Variants in CDT1 observed in about 807,000 individuals in gnomAD.
CDT1 encodes chromatin licensing and DNA replication factor 1.
Under a neutral mutation model 49.3 loss-of-function variants are expected in CDT1, and 66 were observed. The observed-to-expected ratio is 1.34, with a 90% CI of 1.10 to 1.64. The LOEUF is 1.64. Among genes scored for constraint, CDT1 ranks in the 40% most tolerant of loss-of-function variants. The pLI is 0.00. For synonymous variants in CDT1, 424 were observed against 347.4 expected, an observed-to-expected ratio of 1.22 and a Z score of -2.45; for missense variants, 958 against 807.7, an observed-to-expected ratio of 1.19 and a Z score of -2.26.
At chr16:88,806,759 G>A in intron 7 of CDT1, 85 bp downstream of exon 7, 5 of 1,495,794 alleles carry the variant, frequency 3.3e-6, no homozygotes, top group South Asian at 1.2e-5. Context: ...AAGCCTTGGT[G>A]ATGAGCTTGA....
Position 88,807,218 on chromosome 16 carries a change from G to C in CDT1, c.1275+15G>C. ...TGCTGGAGCGGGTGAGTCGTCCCCAGTGATGGCGGGTGGGCGCCTGGTGAC... is the reference window on the plus strand; with the variant it reads ...TGCTGGAGCGGGTGAGTCGTCCCCACTGATGGCGGGTGGGCGCCTGGTGAC... On this transcript the variant is annotated intron_variant, in intron 8 of 9. Coordinates refer to ENST00000301019, the MANE Select transcript of CDT1 (RefSeq NM_030928.4). The C allele has an allele frequency of 6.2e-7, 1 of 1,611,780 alleles. No individual in the cohort carries two copies. Among genetic ancestry groups the C allele is most frequent in the Non-Finnish European group, 8.5e-7 (1 of 1,179,614 alleles).
Position 88,805,654 on chromosome 16 carries a change from G to A in CDT1, c.686+17G>A. Reference sequence around the variant, plus strand: ...GATGCGTAGGTGAGTGGCCGGGGGTGGGCTGTGGCTGTCCTGGAGTTGGGG... The same window carrying A: ...GATGCGTAGGTGAGTGGCCGGGGGTAGGCTGTGGCTGTCCTGGAGTTGGGG... On this transcript the variant is annotated intron_variant, in intron 4 of 9. Coordinates refer to ENST00000301019, the MANE Select transcript of CDT1 (RefSeq NM_030928.4). 1.9e-6 allele frequency: 3 copies of A among 1,612,598 alleles called. No homozygotes were observed. Among genetic ancestry groups the A allele is most frequent in the Non-Finnish European group, 1.7e-6 (2 of 1,179,960 alleles).
At position 88,803,802 on chromosome 16, in the gene CDT1, T is replaced by C. The variant is rs1258858426; in HGVS notation, c.-30T>C. 3.4e-6 allele frequency: 5 copies of C among 1,490,358 alleles called. No individual in the cohort carries two copies. Among genetic ancestry groups the C allele is most frequent in the Non-Finnish European group, 3.6e-6 (4 of 1,113,278 alleles). 92.3% of individuals were successfully genotyped at this position (1,490,358 alleles called of 1,614,324 possible). On this transcript the variant is annotated 5_prime_UTR_variant, in exon 1 of 10. Transcript: ENST00000301019. Reference sequence around the variant, plus strand: ...GCCCGCCTCTTCCTCCCTTCCTTCTTTCCTTGCTTTCGCCGCGCACTCCGC... The same window carrying C: ...GCCCGCCTCTTCCTCCCTTCCTTCTCTCCTTGCTTTCGCCGCGCACTCCGC...
In CDT1 at chr16:88,808,999, CAAAAAA is replaced by C. The variant is rs796277561; in HGVS notation, c.*727_*732del. On this transcript the variant is annotated 3_prime_UTR_variant, in exon 10 of 10. Coordinates refer to ENST00000301019, the MANE Select transcript of CDT1 (RefSeq NM_030928.4). ...TGGGTGACAGAGCGAGACTCCGTCT[CAAAAAA>C]AAAAATTTCAAGACTGGAGAGGTGA... The C allele has an allele frequency of 1.2e-5, 2 of 163,776 alleles. No homozygotes were observed. The highest frequency in any genetic ancestry group is 2.6e-5 in the Non-Finnish European group (2 of 75,538). 10.1% of individuals were successfully genotyped at this position (163,776 alleles called of 1,614,324 possible).
chr16:88,805,839 C>G lies in CDT1; in HGVS notation c.802C>G (p.Gln268Glu). 6.2e-7 allele frequency: 1 copy of G among 1,613,014 alleles called. No individual in the cohort carries two copies. The highest frequency in any genetic ancestry group is 1.1e-5 in the South Asian group (1 of 91,068). The stretch of plus-strand genomic sequence containing the variant: ...GGATGGCACCAGGAGGTCAGATTAC[C>G]AGCTCACCATCGAGCCACTGCTGGA... ...FKDGTRRSDY[Q>E]LTIEPLLEQE... Residue 268 changes from glutamine to glutamate, a missense_variant, in exon 5 of 10, where the codon CAG becomes GAG. Physicochemically the swap from Gln to Glu is conservative, Grantham distance 29. Coordinates refer to ENST00000301019, the MANE Select transcript of CDT1 (RefSeq NM_030928.4).
chr16:88,807,135 C>A lies in CDT1; in HGVS notation c.1207C>A (p.Pro403Thr), dbSNP rs199674701. Residue 403 changes from proline to threonine, a missense_variant, in exon 8 of 10, where the codon CCA becomes ACA. Pro to Thr is a conservative substitution (Grantham distance 38). Transcript: ENST00000301019. ...GSPRPALPAT[P>T]PATPPAASPS... Reference sequence around the variant, plus strand: ...TCCCAGGCCAGCACTGCCGGCTACCCCACCAGCCACCCCGCCTGCAGCCTC... The same window carrying A: ...TCCCAGGCCAGCACTGCCGGCTACCACACCAGCCACCCCGCCTGCAGCCTC... The A allele has an allele frequency of 6.2e-7, 1 of 1,612,400 alleles. No homozygotes were observed. The highest frequency in any genetic ancestry group is 1.3e-5 in the African/African-American group (1 of 74,898).
intron 6 of CDT1, 90 bp from the exon 7 acceptor site, chr16:88,806,396 C>A (rs1299219002): frequency 2.7e-6 from 4 of 1,472,952 alleles, no homozygotes; most frequent in Non-Finnish European, 3.7e-6. Flanking sequence ...CGAGGCGGCC[C>A]GGCTGGGACG....
intron 9 of CDT1, 100 bp downstream of exon 9, chr16:88,807,582 T>C (rs571364885): frequency 1.2e-5 from 15 of 1,200,970 alleles, no homozygotes; most frequent in African/African-American, 1.1e-4. Flanking sequence ...CACTGATCTG[T>C]TCTGTTCAGA....
rs8191507 is a variant in CDT1 at position 88,809,092 on chromosome 16, GC to G, written c.*816del. ...GGCCTTCATGACAGGGCCAGAGCCA[GC>G]CAGCTTTGAAGACGCGGCCCTGCCC... On this transcript the variant is annotated 3_prime_UTR_variant, in exon 10 of 10. Coordinates refer to ENST00000301019, the MANE Select transcript of CDT1 (RefSeq NM_030928.4). 562 of 242,756 alleles carry G rather than the reference GC, an allele frequency of 2.3e-3. 3 individuals carry two copies. Among genetic ancestry groups the G allele is most frequent in the African/African-American group, 0.011 (501 of 44,096 alleles). 15.0% of individuals were successfully genotyped at this position (242,756 alleles called of 1,614,324 possible).
Position 88,804,014 on chromosome 16 carries a change from G to C in CDT1, c.183G>C (p.Gln61His). ...ARPPAAPGRD[Q>H]ARPPARRRLR... is the part of the protein sequence containing the mutation. ...CGCCCGCCGCCCCCGGACGCGACCA[G>C]GCCAGGCCACCGGCCCGCAGGAGAC... is the stretch of plus-strand genomic sequence containing the variant. Residue 61 changes from glutamine to histidine, a missense_variant, in exon 1 of 10, where the codon CAG becomes CAC. By Grantham distance (24) the Gln-to-His change is conservative. Coordinates refer to ENST00000301019, the MANE Select transcript of CDT1 (RefSeq NM_030928.4). 1 of 1,464,140 alleles carries C rather than the reference G, an allele frequency of 6.8e-7. No individual in the cohort carries two copies. Among genetic ancestry groups the C allele is most frequent in the Non-Finnish European group, 9.0e-7 (1 of 1,114,744 alleles). 90.7% of individuals were successfully genotyped at this position (1,464,140 alleles called of 1,614,324 possible).
At position 88,807,435 on chromosome 16, in the gene CDT1, T is replaced by C; in HGVS notation, c.1430T>C (p.Val477Ala). 1.2e-6 allele frequency: 2 copies of C among 1,613,082 alleles called. No homozygotes were observed. The highest frequency in any genetic ancestry group is 1.7e-6 in the Non-Finnish European group (2 of 1,179,966). Residue 477 changes from valine (V) to alanine (A), a missense_variant, in exon 9 of 10, where the codon GTG becomes GCG. Physicochemically the swap from Val to Ala is moderately conservative, Grantham distance 64 (BLOSUM62 0). Transcript: ENST00000301019. The stretch of plus-strand genomic sequence containing the variant: ...CGCAAGCCTGCGCTCAGCATGGAGG[T>C]GGCCTGTGCCAGGATGGTGGGCAGC... Reference protein sequence around the residue: ...SERKPALSMEVACARMVGSCC... With the variant: ...SERKPALSMEAACARMVGSCC...
rs1355983031 is a variant in CDT1 at position 88,806,633 on chromosome 16, C to G, written c.1081C>G (p.Gln361Glu). 2 of 1,611,416 alleles carry G rather than the reference C, an allele frequency of 1.2e-6. No individual in the cohort carries two copies. Among genetic ancestry groups the G allele is most frequent in the Non-Finnish European group, 1.7e-6 (2 of 1,179,662 alleles). The stretch of plus-strand genomic sequence containing the variant: ...CGCCACGGAGAAGCTCACCACTGCT[C>G]AGGAGGTGCTGGCCCGGGCCCGCAA... ...PPATEKLTTA[Q>E]EVLARARNLI... The change falls in exon 7 of 10, where the codon CAG (glutamine) becomes GAG (glutamate). Residue 361 changes from glutamine to glutamate, a missense_variant. Physicochemically the swap from Gln to Glu is conservative, Grantham distance 29. Coordinates refer to ENST00000301019, the MANE Select transcript of CDT1 (RefSeq NM_030928.4).
At position 88,808,317 on chromosome 16, in the gene CDT1, C is replaced by G; in HGVS notation, c.*39C>G. On this transcript the variant is annotated 3_prime_UTR_variant, in exon 10 of 10. Coordinates refer to ENST00000301019, the MANE Select transcript of CDT1 (RefSeq NM_030928.4). ...TGTGGACAGACGTGGGCTTCAGAAGCTCGCTGGCCTGGGCCCACCAGCATT... is the reference window on the plus strand; with the variant it reads ...TGTGGACAGACGTGGGCTTCAGAAGGTCGCTGGCCTGGGCCCACCAGCATT... 1 of 1,545,868 alleles carries G rather than the reference C, an allele frequency of 6.5e-7. No individual in the cohort carries two copies. Among genetic ancestry groups the G allele is most frequent in the East Asian group, 2.4e-5 (1 of 41,428 alleles).
In CDT1 at chr16:88,808,587, G is replaced by C. The variant is rs1597507457; in HGVS notation, c.*309G>C. On this transcript the variant is annotated 3_prime_UTR_variant, in exon 10 of 10. Transcript: ENST00000301019. ...GGGGGCCATCGGGAGTGTGGCTGGG[G>C]GTGAAGGGGGCTCTGTGGCAATATG... The C allele has an allele frequency of 1.5e-5, 7 of 452,432 alleles. No individual in the cohort carries two copies. In the South Asian group the frequency reaches 1.8e-4, roughly 12 times the overall value. The allele number at this position is 452,432 out of a possible 1,614,324, so 28.0% of individuals were successfully genotyped here.
At chr16:88,808,009 G>C (rs1436745011) in intron 9 of CDT1, 106 bp from the exon 10 acceptor site, 1 of 1,302,180 alleles carries the variant, frequency 7.7e-7, no homozygotes, top group Non-Finnish European at 1.1e-6. Context: ...GGGCCCTGAG[G>C]GCGACCAGGC....
Position 88,807,829 on chromosome 16 carries a change from T to A in CDT1, c.1478-286T>A, listed in dbSNP as rs544206668. ...CCAGGCCCTGAGCACATAGGGGTCC[T>A]GACGCTACAGGGCACCTCCTGCCTC... On this transcript the variant is annotated intron_variant, in intron 9 of 9. Coordinates refer to ENST00000301019, the MANE Select transcript of CDT1 (RefSeq NM_030928.4). 2.0e-5 allele frequency among the ~76,000 whole-genome samples: 3 copies of A among 152,344 alleles called. No individual in the cohort carries two copies. The East Asian group carries it at 5.8e-4, about 29-fold the overall frequency.
Position 88,804,061 on chromosome 16 carries a change from T to C in CDT1, c.228+2T>C. ...AGACTGCGGCTGTCGGTGGACGAGG[T>C]GAGGGGCGTGGGGAGACTGAGGCCG... On this transcript the variant is annotated splice_donor_variant, in intron 1 of 9. Coordinates refer to ENST00000301019, the MANE Select transcript of CDT1 (RefSeq NM_030928.4). LOFTEE classifies it high-confidence loss of function. 7.0e-7 allele frequency: 1 copy of C among 1,428,146 alleles called. No homozygotes were observed. The highest frequency in any genetic ancestry group is 2.8e-5 in the Admixed American group (1 of 35,896). 88.5% of individuals were successfully genotyped at this position (1,428,146 alleles called of 1,614,324 possible). A position where few individuals can be genotyped will look rare whatever the true frequency, so the allele number is the denominator to read the frequency against.
At position 88,803,852 on chromosome 16, in the gene CDT1, C is replaced by T; in HGVS notation, c.21C>T (p.Thr7=). 1 of 1,492,118 alleles carries T rather than the reference C, an allele frequency of 6.7e-7. No homozygotes were observed. The highest frequency in any genetic ancestry group is 8.9e-7 in the Non-Finnish European group (1 of 1,120,002). 92.4% of individuals were successfully genotyped at this position (1,492,118 alleles called of 1,614,324 possible). The part of the protein sequence containing the change: MEQRRV[T]DFFARRRPGP... ...CCGCCATGGAGCAGCGCCGCGTCAC[C>T]GACTTCTTCGCGCGCCGCCGCCCCG... Residue 7 remains threonine, a synonymous_variant, in exon 1 of 10, where the codon ACC becomes ACT. Transcript: ENST00000301019.
At chr16:88,804,709 G>GTGCCGGCC (rs750264079) in intron 2 of CDT1, 42 bp downstream of exon 2, 116 of 1,612,072 alleles carry the variant, frequency 7.2e-5, no homozygotes, top group Non-Finnish European at 9.1e-5. Flanking sequence ...GGGCTGAGTG[G>GTGCCGGCC]TGCCGGCCTG....
Sources: gnomAD v4.1 joint callset for allele counts (sites outside exome capture counted in the v4.1 genomes callset) on GRCh38, gnomAD v4.1.1 for gene constraint, MANE v1.5 for transcripts, NCBI Gene and HGNC (gene_info 2026-07-23, HGNC 2026-07-21) for gene names.